The following LRRN1 variants were observed in gnomAD, a reference collection of about 807,000 sequenced individuals.
LRRN1 encodes leucine rich repeat neuronal 1.
A neutral mutation model predicts 45.8 loss-of-function variants in LRRN1; 14 were observed. The observed-to-expected ratio is 0.31, with a 90% CI of 0.20 to 0.48. The LOEUF (loss-of-function observed/expected upper bound fraction) is 0.48. LRRN1 is among the 20% of genes least tolerant of loss of function. LRRN1 has a pLI of 0.99. For synonymous variants in LRRN1, 359 were observed against 330.1 expected (o/e 1.09, Z -0.95); for missense variants, 789 against 874.2 (o/e 0.90, Z 1.23).
chr3:3,804,712 C>T (rs1372947264), intron 1 of LRRN1, among the ~76,000 whole-genome samples: 1 of 152,188 alleles, frequency 6.6e-6, no homozygotes, highest in African/African-American at 2.4e-5. Flanking sequence ...CATGTGGACT[C>T]CACAGCTGTC....
At chr3:3,827,659 T>G in intron 1 of LRRN1, 1 of 378,726 alleles carries the variant, frequency 2.6e-6, no homozygotes, top group Admixed American at 3.0e-5. Flanking sequence ...TGATGTTTTT[T>G]GAACATTATC....
rs994531344 is a variant in LRRN1, at chr3:3,846,209, G to C, written c.1568G>C (p.Gly523Ala). The C allele has an allele frequency of 6.2e-7, 1 of 1,614,040 alleles. No homozygotes were observed. Among genetic ancestry groups the C allele is most frequent in the East Asian group, 2.2e-5 (1 of 44,878 alleles). The change falls in exon 2 of 2, where the codon GGT becomes GCT. Residue 523 changes from glycine to alanine, a missense_variant. Transcript: ENST00000319331. The surrounding 1 kb of genome is among the most constrained non-coding windows in gnomAD (Gnocchi z 5.7). ...AAGGTTAATGGGACCCTTCTGGATG[G>C]TACCCAGGTGCTAAAAATATACGTC... Reference protein sequence around the residue: ...TIKVNGTLLDGTQVLKIYVKQ... With the variant: ...TIKVNGTLLDATQVLKIYVKQ...
Position 3,846,457 on chromosome 3 carries a change from C to G in LRRN1, c.1816C>G (p.Gln606Glu). Residue 606 changes from glutamine (Q) to glutamate (E), a missense_variant, in exon 2 of 2, where the codon CAA becomes GAA. Gln to Glu is a conservative substitution (Grantham distance 29). Transcript: ENST00000319331. The surrounding 1 kb of genome is among the most constrained non-coding windows in gnomAD (Gnocchi z 5.7). ...AGTGTCCAATATTCATCAGCAGACT[C>G]AAAAGTCATGCGTAAATGTCACAAC... ...LTVSNIHQQT[Q>E]KSCVNVTTKN... The G allele has an allele frequency of 1.2e-6, 2 of 1,614,142 alleles. No individual in the cohort carries two copies. Among genetic ancestry groups the G allele is most frequent in the Non-Finnish European group, 1.7e-6 (2 of 1,180,044 alleles).
At chr3:3,827,939 T>A (rs187066886) in intron 1 of LRRN1, among the ~76,000 whole-genome samples, 4 of 152,194 alleles carry the variant, frequency 2.6e-5, no homozygotes, top group Non-Finnish European at 5.9e-5. Context: ...ATAATATTGA[T>A]AATAACTCTT....
Position 3,825,290 on chromosome 3 carries a change from T to C in LRRN1, c.-278-19074T>C, listed in dbSNP as rs1041013149. On this transcript the variant is annotated intron_variant, in intron 1 of 1. Coordinates refer to ENST00000319331, the MANE Select transcript of LRRN1 (RefSeq NM_020873.7). ...GCTGAATGAATTGTGACCCCAGCTT[T>C]TATGCTCGACTTGGAGACCAGCTGC... is the stretch of plus-strand genomic sequence containing the variant. Among the ~76,000 whole-genome samples, 3 of 152,304 alleles carry C rather than the reference T, an allele frequency of 2.0e-5. No individual in the cohort carries two copies. The South Asian group carries it at 6.2e-4, about 32-fold the overall frequency.
rs764170740 is a variant in LRRN1 at position 3,846,330 on chromosome 3, T to C, written c.1689T>C (p.Ile563=). 1.9e-6 allele frequency: 3 copies of C among 1,613,960 alleles called. No homozygotes were observed. The highest frequency in any genetic ancestry group is 2.5e-6 in the Non-Finnish European group (3 of 1,180,024). ...NLKWSSATMK[I]DNPHITYTAR... is the part of the protein sequence containing the mutation. ...AATGGTCGTCTGCCACCATGAAGAT[T>C]GATAACCCTCACATAACATATACTG... is the stretch of plus-strand genomic sequence containing the variant. Residue 563 remains isoleucine, a synonymous_variant, in exon 2 of 2, where the codon ATT becomes ATC. Coordinates refer to ENST00000319331, the MANE Select transcript of LRRN1 (RefSeq NM_020873.7). The surrounding 1 kb of genome is among the most constrained non-coding windows in gnomAD (Gnocchi z 5.7).
Position 3,846,669 on chromosome 3 carries a change from A to T in LRRN1, c.2028A>T (p.Pro676=). The T allele has an allele frequency of 1.9e-6, 3 of 1,613,908 alleles. No individual in the cohort carries two copies. Among genetic ancestry groups the T allele is most frequent in the Non-Finnish European group, 2.5e-6 (3 of 1,179,986 alleles). Residue 676 remains proline, a synonymous_variant, in exon 2 of 2, where the codon CCA becomes CCT. Transcript: ENST00000319331. This position sits in a 1 kb window ranked among gnomAD's most constrained non-coding sequence, Gnocchi z 5.7. ...KKYMQKTSSI[P]LNELYPPLIN... The stretch of plus-strand genomic sequence containing the variant: ...ATATGCAAAAAACCTCTTCAATCCC[A>T]CTAAATGAGCTGTACCCACCACTCA...
intron 1 of LRRN1, among the ~76,000 whole-genome samples, chr3:3,832,983 T>C (rs148123256): frequency 0.031 from 4,711 of 152,326 alleles, 133 homozygotes; most frequent in Admixed American, 0.083. Context: ...CCTTTGACAG[T>C]TGAGTGCTGC....
At chr3:3,812,278 A>G (rs1178269937) in intron 1 of LRRN1, among the ~76,000 whole-genome samples, 1 of 152,236 alleles carries the variant, frequency 6.6e-6, no homozygotes, top group Non-Finnish European at 1.5e-5. Context: ...TCCAGTGAAG[A>G]AGAAGTACAC....
chr3:3,818,989 C>G (rs1361023855), intron 1 of LRRN1, among the ~76,000 whole-genome samples: 1 of 148,606 alleles, frequency 6.7e-6, no homozygotes, highest in Non-Finnish European at 1.5e-5. Context: ...TATTAATTAA[C>G]TACTTTACTT....
At chr3:3,822,870 G>A (rs887732880) in intron 1 of LRRN1, 2 of 152,168 alleles carry the variant, frequency 1.3e-5, no homozygotes, top group Non-Finnish European at 2.9e-5. Flanking sequence ...TTCTTTCATC[G>A]GGGGGAGAAG....
chr3:3,810,251 G>T (rs1302237422), intron 1 of LRRN1, among the ~76,000 whole-genome samples: 2 of 152,120 alleles, frequency 1.3e-5, no homozygotes, highest in Non-Finnish European at 2.9e-5. Flanking sequence ...TAGGTTCAGA[G>T]ATATCATTCC....
chr3:3,818,633 G>A (rs1693035836), intron 1 of LRRN1, among the ~76,000 whole-genome samples: 2 of 152,210 alleles, frequency 1.3e-5, no homozygotes, highest in Admixed American at 1.3e-4. Context: ...AAAGGCTCGA[G>A]ATTCTTCAAA....
At chr3:3,834,118 G>T (rs1693432188) in intron 1 of LRRN1, among the ~76,000 whole-genome samples, 1 of 152,058 alleles carries the variant, frequency 6.6e-6, no homozygotes, top group Non-Finnish European at 1.5e-5. Context: ...CTGAAGCCAG[G>T]AGACAGAATC....
In LRRN1 at chr3:3,844,580, T is replaced by C; in HGVS notation, c.-62T>C. 2 of 1,240,842 alleles carry C rather than the reference T, an allele frequency of 1.6e-6. No homozygotes were observed. Among genetic ancestry groups the C allele is most frequent in the Admixed American group, 2.0e-5 (1 of 49,000 alleles). The allele number at this position is 1,240,842 out of a possible 1,614,324, so 76.9% of individuals were successfully genotyped here. On this transcript the variant is annotated 5_prime_UTR_variant, in exon 2 of 2. Transcript: ENST00000319331. ...GCTCGCTGTCCTACATATCACAATA[T>C]AGTGTTCACGTTTTGTTAAAACTTT...
In LRRN1 at chr3:3,845,203, G is replaced by C; in HGVS notation, c.562G>C (p.Asp188His). The C allele has an allele frequency of 1.2e-6, 2 of 1,614,116 alleles. No homozygotes were observed. Among genetic ancestry groups the C allele is most frequent in the Non-Finnish European group, 1.7e-6 (2 of 1,180,022 alleles). The part of the protein sequence containing the change: ...KLKVIDSRWF[D>H]STPNLEILMI... ...GAAAGTTATTGATAGTCGCTGGTTT[G>C]ATTCTACACCCAACCTGGAAATTCT... is the stretch of plus-strand genomic sequence containing the variant. The change falls in exon 2 of 2, where the codon GAT becomes CAT. Residue 188 changes from aspartate (D) to histidine (H), a missense_variant. Asp to His is a moderately conservative substitution (Grantham distance 81). Coordinates refer to ENST00000319331, the MANE Select transcript of LRRN1 (RefSeq NM_020873.7). This position sits in a 1 kb window ranked among gnomAD's most constrained non-coding sequence, Gnocchi z 6.5.
chr3:3,804,270 C>G (rs373076064), intron 1 of LRRN1: 4 of 152,040 alleles, frequency 2.6e-5, no homozygotes, highest in African/African-American at 9.7e-5. Flanking sequence ...ATAACATAAT[C>G]GAGTTGGGAG....
At chr3:3,804,478 T>C (rs2106449351) in intron 1 of LRRN1, among the ~76,000 whole-genome samples, 1 of 152,314 alleles carries the variant, frequency 6.6e-6, no homozygotes, top group Middle Eastern at 3.4e-3. Flanking sequence ...TCCTGTCCAC[T>C]CTGACTTTAG....
At chr3:3,814,385 A>G (rs1480798202) in intron 1 of LRRN1, among the ~76,000 whole-genome samples, 2 of 151,616 alleles carry the variant, frequency 1.3e-5, no homozygotes, top group Non-Finnish European at 2.9e-5. Flanking sequence ...AATCAGATGT[A>G]TATGGGCTGT....
Sources: gnomAD v4.1 joint callset for allele counts (sites outside exome capture counted in the v4.1 genomes callset) on GRCh38, gnomAD v4.1.1 for gene constraint, Gnocchi (gnomAD v3.1) non-coding constraint, MANE v1.5 for transcripts, NCBI Gene and HGNC (gene_info 2026-07-23, HGNC 2026-07-21) for gene names.